GRB10: variants seen among roughly 807,000 people sequenced by gnomAD.
GRB10 encodes the protein growth factor receptor-bound protein 10.
In GRB10, 20 loss-of-function variants were observed where a neutral mutation model predicts 80.9. That is an observed-to-expected ratio of 0.25 (90% confidence interval 0.17 to 0.36). The LOEUF is 0.36. Among genes scored for constraint, GRB10 ranks in the 10% least tolerant of loss-of-function variants. The probability of loss-of-function intolerance (pLI) is 1.00; values close to 1 mark genes in which losing one functional copy is unlikely to be tolerated. For missense variants in GRB10, 548 were observed against 747.7 expected (o/e 0.73, Z 3.12); for synonymous variants, 291 against 291.5 (o/e 1.00, Z 0.02).
At chr7:50,760,825 G>C (rs893159433) in intron 2 of GRB10, among the ~76,000 whole-genome samples, 1 of 152,210 alleles carries the variant, frequency 6.6e-6, no homozygotes, top group African/African-American at 2.4e-5. Context: ...TAGAATCCCA[G>C]GGCTCACAGC....
At chr7:50,684,855 A>T (rs1201185843) in intron 5 of GRB10, among the ~76,000 whole-genome samples, 3 of 152,162 alleles carry the variant, frequency 2.0e-5, no homozygotes, top group African/African-American at 7.2e-5. Context: ...TAACTCTTCT[A>T]TTACATCACA....
At chr7:50,630,268 A>G (rs2053758185) in intron 7 of GRB10, among the ~76,000 whole-genome samples, 2 of 152,208 alleles carry the variant, frequency 1.3e-5, no homozygotes. Context: ...GAACTTAGAA[A>G]CAGACTTGGC....
intron 7 of GRB10, among the ~76,000 whole-genome samples, chr7:50,654,481 T>A (rs1040360125): frequency 6.6e-6 from 1 of 152,254 alleles, no homozygotes; most frequent in Admixed American, 6.5e-5. Context: ...TACTGTGGGA[T>A]GACCTGGTCA....
At chr7:50,647,819 T>C (rs924825584) in intron 7 of GRB10, among the ~76,000 whole-genome samples, 1 of 152,088 alleles carries the variant, frequency 6.6e-6, no homozygotes, top group African/African-American at 2.4e-5. Flanking sequence ...CGCTGTCCAA[T>C]TCTGGTACAC....
intron 3 of GRB10, among the ~76,000 whole-genome samples, chr7:50,735,443 G>A (rs2070639634): frequency 6.6e-6 from 1 of 152,266 alleles, no homozygotes; most frequent in Admixed American, 6.5e-5. Flanking sequence ...AGAGCTGAGG[G>A]TGTGTGAAGG....
At chr7:50,634,812 A>T (rs531020364) in intron 7 of GRB10, among the ~76,000 whole-genome samples, 1 of 152,262 alleles carries the variant, frequency 6.6e-6, no homozygotes, top group Non-Finnish European at 1.5e-5. Context: ...GCATTATATC[A>T]TAAGAATGCA....
At chr7:50,639,559 G>A (rs1052291001) in intron 7 of GRB10, among the ~76,000 whole-genome samples, 3 of 152,182 alleles carry the variant, frequency 2.0e-5, no homozygotes, top group African/African-American at 7.2e-5. Flanking sequence ...TGTAGTCCCA[G>A]CTACTTGGGA....
intron 10 of GRB10, chr7:50,617,830 G>A (rs2050935282): frequency 1.7e-6 from 1 of 584,050 alleles, no homozygotes; most frequent in Non-Finnish European, 3.0e-6. Flanking sequence ...TCAGAGCAAG[G>A]GCATCGTGTA....
At chr7:50,658,946 G>A (rs1366311784) in intron 7 of GRB10, among the ~76,000 whole-genome samples, 1 of 152,216 alleles carries the variant, frequency 6.6e-6, no homozygotes, top group Non-Finnish European at 1.5e-5. Context: ...TCCCTAGAGA[G>A]CTGTGAGAGA....
At chr7:50,663,827 C>A (rs1277828725) in intron 7 of GRB10, among the ~76,000 whole-genome samples, 1 of 152,228 alleles carries the variant, frequency 6.6e-6, no homozygotes, top group Admixed American at 6.5e-5. Flanking sequence ...CCTGGCATGC[C>A]AGGTGCAGGG....
At chr7:50,657,811 G>C (rs895055266) in intron 7 of GRB10, among the ~76,000 whole-genome samples, 1 of 152,204 alleles carries the variant, frequency 6.6e-6, no homozygotes, top group African/African-American at 2.4e-5. Flanking sequence ...CAACAGCAGA[G>C]GGAGGATGTT....
intron 12 of GRB10, among the ~76,000 whole-genome samples, chr7:50,614,142 CAT>C (rs1195272498): frequency 2.6e-5 from 4 of 152,204 alleles, no homozygotes; most frequent in African/African-American, 7.2e-5. Context: ...GGTGTGTGCA[CAT>C]GTGTATGTGT....
Position 50,591,819 on chromosome 7 carries a change from A to C in GRB10, c.*1133T>G, listed in dbSNP as rs1381998281. 1.3e-5 allele frequency: 2 copies of C among 152,240 alleles called. No individual in the cohort carries two copies. Among genetic ancestry groups the C allele is most frequent in the African/African-American group, 4.8e-5 (2 of 41,450 alleles). The allele number at this position is 152,240 out of a possible 1,614,324, so 9.4% of individuals were successfully genotyped here. Reference sequence around the variant, plus strand: ...GAGGGCTGCAAGCAAAGATCTTTAAATATCAGCCTGTGCCTGTGGCCCCTG... The same window carrying C: ...GAGGGCTGCAAGCAAAGATCTTTAACTATCAGCCTGTGCCTGTGGCCCCTG... On this transcript the variant is annotated 3_prime_UTR_variant, in exon 19 of 19. Transcript: ENST00000401949.
At position 50,674,466 on chromosome 7, in the gene GRB10, C is replaced by T. The variant is rs756517889; in HGVS notation, c.332G>A (p.Arg111His). The change falls in exon 6 of 19, where the codon CGC (arginine) becomes CAC (histidine). Residue 111 changes from arginine (R) to histidine (H), a missense_variant. Arg to His is a conservative substitution (Grantham distance 29, BLOSUM62 0). Coordinates refer to ENST00000401949, the MANE Select transcript of GRB10 (RefSeq NM_001350814.2). ...AGCGAGGATGTGCACAGGCTGGGAG[C>T]GCTGCACCCTCTGCCTCGGGGACAC... ...PQVSPRQRVQ[R>H]SQPVHILAVR... is the part of the protein sequence containing the mutation. 1.2e-5 allele frequency: 20 copies of T among 1,606,616 alleles called. No individual in the cohort carries two copies. The highest frequency in any genetic ancestry group is 3.3e-5 in the South Asian group (3 of 91,042).
rs895730890 is a variant in GRB10 at position 50,610,040 on chromosome 7, G to A, written c.1194+2701C>T. On this transcript the variant is annotated intron_variant, in intron 13 of 18. Coordinates refer to ENST00000401949, the MANE Select transcript of GRB10 (RefSeq NM_001350814.2). ...TTTCCATGGTTGATATGAAGATGCT[G>A]TTTGTAGTAGATGGTAAAAGGGCCC... is the stretch of plus-strand genomic sequence containing the variant. 2.0e-5 allele frequency among the ~76,000 whole-genome samples: 3 copies of A among 152,304 alleles called. No individual in the cohort carries two copies. The South Asian group carries it at 6.2e-4, about 32-fold the overall frequency.
At chr7:50,736,144 G>A (rs1351051255) in intron 3 of GRB10, among the ~76,000 whole-genome samples, 5 of 152,314 alleles carry the variant, frequency 3.3e-5, no homozygotes, top group South Asian at 4.1e-4. Context: ...AAATTAGCCA[G>A]GTGTGGTGGT....
At chr7:50,638,992 G>A (rs953662594) in intron 7 of GRB10, among the ~76,000 whole-genome samples, 1 of 152,176 alleles carries the variant, frequency 6.6e-6, no homozygotes, top group African/African-American at 2.4e-5. Context: ...CAGAAACAAA[G>A]AAGCAAATAC....
intron 9 of GRB10, 112 bp from the exon 10 acceptor site, chr7:50,618,251 A>G (rs1439993412): frequency 1.3e-6 from 1 of 784,352 alleles, no homozygotes; most frequent in African/African-American, 1.7e-5. Flanking sequence ...AATTACATAC[A>G]CCTGTATTTA....
chr7:50,651,975 C>T (rs2058051487), intron 7 of GRB10, among the ~76,000 whole-genome samples: 1 of 152,250 alleles, frequency 6.6e-6, no homozygotes, highest in South Asian at 2.1e-4. Context: ...CCCAGCCACA[C>T]AGGTCCCACT....
Sources: allele counts gnomAD v4.1 joint callset (sites outside exome capture counted in the v4.1 genomes callset), GRCh38; gene constraint gnomAD v4.1.1; transcripts MANE v1.5; gene names NCBI Gene and HGNC (gene_info 2026-07-23, HGNC 2026-07-21).